Variants in ADAM32 observed in about 807,000 individuals in gnomAD.
The protein encoded by ADAM32 is ADAM metallopeptidase domain 32, also known as disintegrin and metalloproteinase domain-containing protein 32.
A neutral mutation model predicts 114.9 loss-of-function variants in ADAM32; 89 were observed. That is an observed-to-expected ratio of 0.77 (90% CI 0.65 to 0.92). The LOEUF (loss-of-function observed/expected upper bound fraction) is 0.92, where lower values mean the gene tolerates loss of function less well. ADAM32 is among the 40% of genes least tolerant of loss of function. The pLI is 0.00. For missense variants in ADAM32, 870 were observed against 932.8 expected, an observed-to-expected ratio of 0.93 and a Z score of 0.88; for synonymous variants, 285 against 307.5, an observed-to-expected ratio of 0.93 and a Z score of 0.77.
At chr8:39,144,599 A>G (rs997272926) in intron 3 of ADAM32, among the ~76,000 whole-genome samples, 1 of 152,232 alleles carries the variant, frequency 6.6e-6, no homozygotes, top group African/African-American at 2.4e-5. Flanking sequence ...AAGTGTGAGT[A>G]TCCACATTCT....
chr8:39,124,237 C>T (rs1378564251), intron 2 of ADAM32, among the ~76,000 whole-genome samples: 2 of 151,956 alleles, frequency 1.3e-5, no homozygotes, highest in African/African-American at 4.8e-5. Flanking sequence ...CATATGTTCT[C>T]ATCATTCAGC....
intron 17 of ADAM32, among the ~76,000 whole-genome samples, chr8:39,252,740 A>G (rs763497472): frequency 1.3e-5 from 2 of 151,652 alleles, no homozygotes; most frequent in African/African-American, 2.4e-5. Flanking sequence ...CAGATATTAC[A>G]ACTGATGTCA....
intron 19 of ADAM32, among the ~76,000 whole-genome samples, chr8:39,259,077 A>C (rs1455185016): frequency 6.6e-6 from 1 of 151,980 alleles, no homozygotes; most frequent in Non-Finnish European, 1.5e-5. Flanking sequence ...GGAGTTCATT[A>C]TGCTCATATG....
intron 12 of ADAM32, among the ~76,000 whole-genome samples, chr8:39,219,890 T>G (rs1808832163): frequency 6.6e-6 from 1 of 152,220 alleles, no homozygotes; most frequent in Non-Finnish European, 1.5e-5. Context: ...GTATGTTCTG[T>G]GCACGGCTAA....
intron 7 of ADAM32, among the ~76,000 whole-genome samples, chr8:39,163,884 C>T (rs1171157438): frequency 6.6e-6 from 1 of 152,142 alleles, no homozygotes; most frequent in African/African-American, 2.4e-5. Context: ...TCCTGTGGAA[C>T]ATCCAAGGTG....
chr8:39,193,914 A>G (rs543018212), intron 11 of ADAM32, among the ~76,000 whole-genome samples: 58 of 152,322 alleles, frequency 3.8e-4, no homozygotes, highest in African/African-American at 1.3e-3. Flanking sequence ...CAACATTCCA[A>G]TAGGTGGTGC....
At chr8:39,206,482 G>A (rs955050955) in intron 11 of ADAM32, among the ~76,000 whole-genome samples, 6 of 152,172 alleles carry the variant, frequency 3.9e-5, no homozygotes, top group Non-Finnish European at 7.3e-5. Flanking sequence ...TCAGGCCCCA[G>A]GACAGCATGT....
chr8:39,241,711 C>A (rs1358062683), intron 16 of ADAM32, among the ~76,000 whole-genome samples: 1 of 152,190 alleles, frequency 6.6e-6, no homozygotes, highest in Non-Finnish European at 1.5e-5. Flanking sequence ...GTGGGCCTGG[C>A]CCACAAAGTC....
intron 2 of ADAM32, among the ~76,000 whole-genome samples, chr8:39,124,424 T>TA (rs1801987673): frequency 1.3e-5 from 2 of 151,558 alleles, no homozygotes; most frequent in Middle Eastern, 3.2e-3. Flanking sequence ...CTTTTTTTTT[T>TA]TTTTTATTTT....
At position 39,269,801 on chromosome 8, in the gene ADAM32, T is replaced by G. The variant is rs77377438; in HGVS notation, c.2163-1075T>G. Among the ~76,000 whole-genome samples, 1,104 of 152,340 alleles carry G rather than the reference T, an allele frequency of 7.2e-3. 21 individuals carry two copies. Among genetic ancestry groups the G allele is most frequent in the African/African-American group, 0.026 (1,064 of 41,572 alleles). On this transcript the variant is annotated intron_variant, in intron 19 of 24. Coordinates refer to ENST00000379907, the MANE Select transcript of ADAM32 (RefSeq NM_145004.7). Reference sequence around the variant, plus strand: ...AGAGACATATATGTAAGTTGTTGTATTAGTCCATTTTCATAGTGCTATACA... The same window carrying G: ...AGAGACATATATGTAAGTTGTTGTAGTAGTCCATTTTCATAGTGCTATACA...
chr8:39,236,044 G>T (rs1810116582), intron 16 of ADAM32, among the ~76,000 whole-genome samples: 1 of 152,138 alleles, frequency 6.6e-6, no homozygotes, highest in Non-Finnish European at 1.5e-5. Context: ...TGTAAAAACT[G>T]CAACTTAAGG....
intron 16 of ADAM32, among the ~76,000 whole-genome samples, chr8:39,235,092 G>A (rs149546084): frequency 3.8e-4 from 57 of 151,964 alleles, no homozygotes; most frequent in African/African-American, 1.4e-3. Context: ...CCCTGCCCAG[G>A]ATCTGTAAAT....
At chr8:39,239,154 T>C (rs1251047064) in intron 16 of ADAM32, among the ~76,000 whole-genome samples, 1 of 152,080 alleles carries the variant, frequency 6.6e-6, no homozygotes, top group East Asian at 1.9e-4. Context: ...GGAAAGAAGC[T>C]TAAGAGCTGG....
chr8:39,244,687 C>A (rs1371699685), intron 16 of ADAM32, among the ~76,000 whole-genome samples: 1 of 152,080 alleles, frequency 6.6e-6, no homozygotes, highest in Non-Finnish European at 1.5e-5. Flanking sequence ...ACATCACACA[C>A]CGGGGCCTGT....
In ADAM32 at chr8:39,158,218, A is replaced by G. The variant is rs540787043; in HGVS notation, c.526-2679A>G. 9.4e-4 allele frequency: 11 copies of G among 11,662 alleles called. No homozygotes were observed. In the South Asian group the frequency reaches 0.015, roughly 16 times the overall value. The allele number at this position is 11,662 out of a possible 1,614,324, so 0.7% of individuals were successfully genotyped here. ...GGTCTTCTTCATACATAGAGGAAGC[A>G]GGTGCATCTGGGTGTAGATATTCAA... is the stretch of plus-strand genomic sequence containing the variant. On this transcript the variant is annotated intron_variant, in intron 6 of 24. Coordinates refer to ENST00000379907, the MANE Select transcript of ADAM32 (RefSeq NM_145004.7).
At chr8:39,250,496 C>T (rs1198331779) in intron 17 of ADAM32, among the ~76,000 whole-genome samples, 1 of 151,848 alleles carries the variant, frequency 6.6e-6, no homozygotes, top group Non-Finnish European at 1.5e-5. Context: ...TCTACTTTAT[C>T]CATTAGAGCT....
intron 3 of ADAM32, among the ~76,000 whole-genome samples, chr8:39,146,536 G>T (rs922253221): frequency 6.6e-5 from 10 of 150,826 alleles, no homozygotes; most frequent in African/African-American, 2.4e-4. Flanking sequence ...TCAGCCTCCT[G>T]AGTAGCTAGG....
At chr8:39,244,674 G>A (rs1810780137) in intron 16 of ADAM32, among the ~76,000 whole-genome samples, 1 of 152,086 alleles carries the variant, frequency 6.6e-6, no homozygotes, top group African/African-American at 2.4e-5. Flanking sequence ...ACCAGGAAGG[G>A]GAACATCACA....
chr8:39,147,222 G>A lies in ADAM32; in HGVS notation c.276+17G>A. 1.0e-6 allele frequency: 1 copy of A among 968,354 alleles called. No homozygotes were observed. Among genetic ancestry groups the A allele is most frequent in the Non-Finnish European group, 1.4e-6 (1 of 737,624 alleles). 60.0% of individuals were successfully genotyped at this position (968,354 alleles called of 1,614,324 possible). A position where few individuals can be genotyped will look rare whatever the true frequency, so the allele number is the denominator to read the frequency against. ...GATATTCAGGTAAGATTTAAATTCT[G>A]TGTTTTATAGTTTTTTTTAAATTTT... On this transcript the variant is annotated intron_variant, in intron 4 of 24. Transcript: ENST00000379907.
Sources: allele counts gnomAD v4.1 joint callset (sites outside exome capture counted in the v4.1 genomes callset), GRCh38; gene constraint gnomAD v4.1.1; transcripts MANE v1.5; gene names NCBI Gene and HGNC (gene_info 2026-07-23, HGNC 2026-07-21).